Variants in PUS7 observed in about 807,000 individuals in gnomAD.
PUS7 encodes the protein pseudouridylate synthase 7 homolog.
Under a neutral mutation model 79.8 loss-of-function variants are expected in PUS7, and 48 were observed. The observed-to-expected ratio is 0.60, with a 90% CI of 0.48 to 0.76. The LOEUF (loss-of-function observed/expected upper bound fraction) is 0.76. Among genes scored for constraint, PUS7 ranks in the 30% least tolerant of loss-of-function variants. The pLI, the probability that PUS7 is intolerant of heterozygous loss-of-function variation, is 0.00. For missense variants in PUS7, 729 were observed against 797.6 expected, an observed-to-expected ratio of 0.91 and a Z score of 1.04; for synonymous variants, 286 against 272.2, an observed-to-expected ratio of 1.05 and a Z score of -0.50.
chr7:105,457,986 A>G, intron 15 of PUS7, 60 bp from the exon 16 acceptor site: 1 of 1,573,630 alleles, frequency 6.4e-7, no homozygotes. Context: ...GACCAGCGAG[A>G]GTCACATAAT....
rs1823224601 is a variant in PUS7, at chr7:105,457,219, A to G, written c.*571T>C. 6.6e-6 allele frequency: 1 copy of G among 152,234 alleles called. No individual in the cohort carries two copies. The highest frequency in any genetic ancestry group is 6.5e-5 in the Admixed American group (1 of 15,286). 9.4% of individuals were successfully genotyped at this position (152,234 alleles called of 1,614,324 possible). A position where few individuals can be genotyped will look rare whatever the true frequency, so the allele number is the denominator to read the frequency against. ...CATTGATAATATAAATGCAAAAGCC[A>G]CCGCAACCAAAAAGTCTATAATGCT... On this transcript the variant is annotated 3_prime_UTR_variant, in exon 16 of 16. Transcript: ENST00000469408.
At chr7:105,464,976 G>A (rs1021937542) in intron 13 of PUS7, among the ~76,000 whole-genome samples, 1 of 151,900 alleles carries the variant, frequency 6.6e-6, no homozygotes, top group Non-Finnish European at 1.5e-5. Context: ...GCACTACCAG[G>A]CCCAGCTAAT....
chr7:105,474,670 A>G (rs1177281125), intron 9 of PUS7, among the ~76,000 whole-genome samples: 1 of 151,608 alleles, frequency 6.6e-6, no homozygotes, highest in African/African-American at 2.4e-5. Context: ...AGTCCCAGCT[A>G]CTTGGGAGGC....
intron 9 of PUS7, 148 bp downstream of exon 9, chr7:105,480,904 A>G (rs539047260): frequency 2.3e-6 from 2 of 880,658 alleles, no homozygotes; most frequent in Admixed American, 3.1e-5. Flanking sequence ...TACCCTGTGC[A>G]CTCATTAACT....
intron 7 of PUS7, 101 bp downstream of exon 7, chr7:105,491,439 A>G (rs1824775417): frequency 1.5e-6 from 1 of 653,362 alleles, no homozygotes; most frequent in Non-Finnish European, 2.5e-6. Flanking sequence ...CAGAAGCACC[A>G]TCTAAAGCTG....
chr7:105,467,034 G>GTTTTTTTTTTTTTTTTTTTTTTT (rs56177512), intron 12 of PUS7, among the ~76,000 whole-genome samples: 1 of 70,698 alleles, frequency 1.4e-5, no homozygotes, highest in Non-Finnish European at 2.7e-5. Flanking sequence ...AGTTTTTTCT[G>GTTTTTTTTTTTTTTTTTTTTTTT]TTTTTTTTTT....
At position 105,495,264 on chromosome 7, in the gene PUS7, A is replaced by G; in HGVS notation, c.731-11T>C. 5 of 1,456,514 alleles carry G rather than the reference A, an allele frequency of 3.4e-6. No homozygotes were observed. The highest frequency in any genetic ancestry group is 4.8e-6 in the Non-Finnish European group (5 of 1,039,436). 90.2% of individuals were successfully genotyped at this position (1,456,514 alleles called of 1,614,324 possible). A position where few individuals can be genotyped will look rare whatever the true frequency, so the allele number is the denominator to read the frequency against. On this transcript the variant is annotated splice_polypyrimidine_tract_variant and intron_variant, in intron 5 of 15. Transcript: ENST00000469408. ...AATGTTTTCTTGGATCTTGAAAGCA[A>G]AAGAATTAACATTATATATACCATA...
At chr7:105,496,937 A>T in intron 5 of PUS7, 1 of 1,196,354 alleles carries the variant, frequency 8.4e-7, no homozygotes, top group Non-Finnish European at 1.1e-6. Flanking sequence ...TCTACATGAA[A>T]TGCCAAATGC....
At chr7:105,483,602 T>C (rs1562799919) in intron 7 of PUS7, among the ~76,000 whole-genome samples, 1 of 152,098 alleles carries the variant, frequency 6.6e-6, no homozygotes, top group Admixed American at 6.6e-5. Flanking sequence ...AAGAGATTCT[T>C]CTGCCTGAGC....
chr7:105,521,688 G>A (rs1438125060), intron 1 of PUS7, among the ~76,000 whole-genome samples: 1 of 152,198 alleles, frequency 6.6e-6, no homozygotes, highest in Non-Finnish European at 1.5e-5. Flanking sequence ...CAAGAGTTTA[G>A]GGAGCGTCCG....
At chr7:105,475,267 G>C (rs999606586) in intron 9 of PUS7, among the ~76,000 whole-genome samples, 1 of 152,154 alleles carries the variant, frequency 6.6e-6, no homozygotes, top group Non-Finnish European at 1.5e-5. Flanking sequence ...CTCACTGCAA[G>C]CTCCGCCTCC....
chr7:105,475,464 C>A (rs946953246), intron 9 of PUS7, among the ~76,000 whole-genome samples: 1 of 151,286 alleles, frequency 6.6e-6, no homozygotes, highest in Non-Finnish European at 1.5e-5. Context: ...GGATTACAGG[C>A]GTCAGCCACC....
rs550476795 is a variant in PUS7, at chr7:105,470,706, T to A, written c.1380A>T (p.Ile460=). ...CACTCACTATGCCAAATGCAGAGACTATATTCTTCATTCCATATTTTGAAA... is the reference window on the plus strand; with the variant it reads ...CACTCACTATGCCAAATGCAGAGACAATATTCTTCATTCCATATTTTGAAA... ...RGLSKYGMKN[I]VSAFGIIPRN... is the part of the protein sequence containing the mutation. The change falls in exon 11 of 16, where the codon ATA becomes ATT. Residue 460 remains isoleucine (I), a synonymous_variant. Transcript: ENST00000469408. The A allele has an allele frequency of 6.2e-7, 1 of 1,605,936 alleles. No individual in the cohort carries two copies. The highest frequency in any genetic ancestry group is 1.7e-5 in the Admixed American group (1 of 59,464).
intron 7 of PUS7, among the ~76,000 whole-genome samples, chr7:105,488,117 AGAT>A (rs1824629465): frequency 6.6e-6 from 1 of 152,232 alleles, no homozygotes; most frequent in Admixed American, 6.5e-5. Context: ...GTCAACAGGA[AGAT>A]GATAAAGGCA....
chr7:105,483,796 A>T (rs1824430482), intron 7 of PUS7, among the ~76,000 whole-genome samples: 1 of 152,122 alleles, frequency 6.6e-6, no homozygotes, highest in Non-Finnish European at 1.5e-5. Context: ...GCACCTGGCC[A>T]TCTTTTTGTT....
In PUS7 at chr7:105,508,156, A is replaced by G. The variant is rs915437697; in HGVS notation, c.357T>C (p.Phe119=). ...LTEADVGITK[F]VSSHQGFSGI... ...CCGAGAACCCTTGATGAGAACTCAC[A>G]AACTTGGTGATGCCTACGTCAGCCT... Residue 119 remains phenylalanine (F), a synonymous_variant, in exon 2 of 16, where the codon TTT becomes TTC. Transcript: ENST00000469408. The G allele has an allele frequency of 1.9e-6, 3 of 1,613,966 alleles. No homozygotes were observed. Among genetic ancestry groups the G allele is most frequent in the South Asian group, 1.1e-5 (1 of 91,066 alleles).
At chr7:105,468,760 C>A (rs989651829) in intron 11 of PUS7, among the ~76,000 whole-genome samples, 3 of 151,982 alleles carry the variant, frequency 2.0e-5, no homozygotes, top group African/African-American at 7.3e-5. Flanking sequence ...TCAGGTGATC[C>A]GCCCACCTTG....
At chr7:105,486,739 T>C (rs1289104860) in intron 7 of PUS7, among the ~76,000 whole-genome samples, 1 of 152,068 alleles carries the variant, frequency 6.6e-6, no homozygotes, top group East Asian at 1.9e-4. Context: ...CTTTTTTTTT[T>C]TAAGTTGAGA....
chr7:105,502,728 C>G (rs934187881), intron 4 of PUS7, among the ~76,000 whole-genome samples, 164 bp from the exon 5 acceptor site: 1 of 152,174 alleles, frequency 6.6e-6, no homozygotes, highest in African/African-American at 2.4e-5. Context: ...TTTTGACAGT[C>G]TCGCTCTGTC....
Sources: gnomAD v4.1 joint callset for allele counts (sites outside exome capture counted in the v4.1 genomes callset) on GRCh38, gnomAD v4.1.1 for gene constraint, MANE v1.5 for transcripts, NCBI Gene and HGNC (gene_info 2026-07-23, HGNC 2026-07-21) for gene names.